Variants in KIFC3 observed in about 807,000 individuals in gnomAD.
The protein encoded by KIFC3 is kinesin-like protein KIFC3.
A neutral mutation model predicts 101.8 loss-of-function variants in KIFC3; 60 were observed. The ratio of observed to expected loss-of-function variants is 0.59; its 90% confidence interval spans 0.48 to 0.73. The LOEUF (loss-of-function observed/expected upper bound fraction) is 0.73. KIFC3 is among the 30% of genes least tolerant of loss of function. The probability of loss-of-function intolerance (pLI) is 0.00; values close to 1 mark genes in which losing one functional copy is unlikely to be tolerated. For missense variants in KIFC3, 966 were observed against 1,137.1 expected (o/e 0.85, Z 2.16); for synonymous variants, 476 against 482.7 (o/e 0.99, Z 0.18).
intron 1 of KIFC3, among the ~76,000 whole-genome samples, chr16:57,860,047 TAAAATAAAATAAAATAAA>T (rs1448662202): frequency 1.2e-3 from 165 of 136,438 alleles, no homozygotes; most frequent in African/African-American, 4.1e-3. Context: ...TAAAATAAAA[TAAAATAAAATAAAATAAA>T]ATAAAATAAA....
intron 1 of KIFC3, among the ~76,000 whole-genome samples, chr16:57,828,418 G>T (rs1555631162): frequency 6.6e-6 from 1 of 152,220 alleles, no homozygotes; most frequent in Non-Finnish European, 1.5e-5. Flanking sequence ...TGCAGATGTG[G>T]CCATGAGGAA....
At chr16:57,825,357 G>A (rs1555630620) in intron 1 of KIFC3, among the ~76,000 whole-genome samples, 1 of 152,196 alleles carries the variant, frequency 6.6e-6, no homozygotes, top group Admixed American at 6.5e-5. Flanking sequence ...GGGAAAATGG[G>A]GTTTGCACAT....
At chr16:57,779,818 AAAATAAAT>A (rs1195136746) in intron 3 of KIFC3, 1 of 152,176 alleles carries the variant, frequency 6.6e-6, no homozygotes, top group East Asian at 1.9e-4. Flanking sequence ...TCAAAAAATA[AAAATAAAT>A]AAATAAATAA....
intron 1 of KIFC3, among the ~76,000 whole-genome samples, chr16:57,833,866 C>CCTTTTTT (rs2055632687): frequency 1.8e-5 from 2 of 111,296 alleles, no homozygotes; most frequent in South Asian, 6.2e-4. Flanking sequence ...AATGCAGTTG[C>CCTTTTTT]TTTTTTTTTT....
rs1128699 is a variant in KIFC3, at chr16:57,765,543, G to A, written c.1428C>T (p.Asp476=). 1.2e-5 allele frequency: 19 copies of A among 1,599,970 alleles called. No individual in the cohort carries two copies. The South Asian group carries it at 2.0e-4, about 17-fold the overall frequency. The change falls in exon 11 of 20, where the codon GAC becomes GAT. Residue 476 remains aspartate (D), a synonymous_variant. Coordinates refer to ENST00000445690, the MANE Select transcript of KIFC3 (RefSeq NM_001130100.2). ...CCTTGTGCAGCAGGTGGATGATGGA[G>A]TCGTCGTCGGCATCGAAAGTCACAG... ...TNAVTFDADD[D]SIIHLLHKGK... is the part of the protein sequence containing the mutation.
intron 2 of KIFC3, 146 bp downstream of exon 2, chr16:57,797,926 G>A (rs906024854): frequency 6.0e-6 from 9 of 1,512,400 alleles, no homozygotes; most frequent in African/African-American, 1.4e-5. Context: ...CCGGCTCCAC[G>A]CCCGCCTGGC....
intron 3 of KIFC3, among the ~76,000 whole-genome samples, chr16:57,790,556 A>T (rs116808731): frequency 6.6e-6 from 1 of 152,164 alleles, no homozygotes; most frequent in African/African-American, 2.4e-5. Flanking sequence ...CCGTGTGTGA[A>T]GCCTGGCTCT....
At chr16:57,825,678 T>C (rs550797048) in intron 1 of KIFC3, among the ~76,000 whole-genome samples, 35 of 152,306 alleles carry the variant, frequency 2.3e-4, no homozygotes, top group Middle Eastern at 3.4e-3. Flanking sequence ...TTTTGTTTGT[T>C]TGTTTTTGTT....
chr16:57,809,355 G>A (rs968485143), intron 1 of KIFC3, among the ~76,000 whole-genome samples: 1 of 152,134 alleles, frequency 6.6e-6, no homozygotes, highest in Non-Finnish European at 1.5e-5. Flanking sequence ...GAGTGAGGTG[G>A]CATGATCAGA....
At position 57,775,667 on chromosome 16, in the gene KIFC3, A is replaced by C. The variant is rs1045217083; in HGVS notation, c.316-3379T>G. 7 of 985,472 alleles carry C rather than the reference A, an allele frequency of 7.1e-6. No individual in the cohort carries two copies. The African/African-American group carries it at 1.2e-4, about 17-fold the overall frequency. 61.0% of individuals were successfully genotyped at this position (985,472 alleles called of 1,614,324 possible). On this transcript the variant is annotated intron_variant, in intron 3 of 19. Transcript: ENST00000445690. ...CCAGCAAGGGCCGTCCATGTCTCTA[A>C]GCCCAACAGGGGAGGGTCCCGAGTG...
intron 3 of KIFC3, among the ~76,000 whole-genome samples, chr16:57,790,706 T>C (rs1165972584): frequency 1.3e-5 from 2 of 152,278 alleles, no homozygotes; most frequent in East Asian, 3.9e-4. Context: ...TGCAGCCAAG[T>C]CCCCAGAAGG....
At chr16:57,764,874 G>A (rs1349146274) in intron 11 of KIFC3, among the ~76,000 whole-genome samples, 1 of 149,292 alleles carries the variant, frequency 6.7e-6, no homozygotes. Context: ...AAGTGGGTGA[G>A]GCCACATGGT....
intron 1 of KIFC3, among the ~76,000 whole-genome samples, chr16:57,856,329 A>G (rs12445099): frequency 0.2 from 30,376 of 151,882 alleles, 3,642 homozygotes; most frequent in African/African-American, 0.33. Flanking sequence ...AAAAAATACA[A>G]AAATTAGCTG....
intron 1 of KIFC3, among the ~76,000 whole-genome samples, chr16:57,860,022 A>T (rs1200493406): frequency 1.2e-5 from 1 of 86,852 alleles, no homozygotes. Context: ...ACTCTGTCTC[A>T]AAAATAAAAT....
chr16:57,770,015 C>T, intron 7 of KIFC3, 60 bp from the exon 8 acceptor site: 1 of 1,561,968 alleles, frequency 6.4e-7, no homozygotes, highest in East Asian at 2.2e-5. Flanking sequence ...GGGCAGGTGC[C>T]ACACCGAGAA....
At chr16:57,788,489 A>G in intron 3 of KIFC3, 1 of 1,161,298 alleles carries the variant, frequency 8.6e-7, no homozygotes, top group Non-Finnish European at 1.1e-6. Context: ...AGGACAGGGC[A>G]TGGGGATATC....
intron 2 of KIFC3, among the ~76,000 whole-genome samples, chr16:57,797,130 G>A (rs570402880): frequency 6.6e-6 from 1 of 152,380 alleles, no homozygotes; most frequent in East Asian, 1.9e-4. Flanking sequence ...TGTGGTGGGA[G>A]AGAGGGGTGA....
chr16:57,792,186 A>G (rs1555620598), intron 3 of KIFC3, among the ~76,000 whole-genome samples: 6 of 151,976 alleles, frequency 3.9e-5, no homozygotes, highest in Non-Finnish European at 1.5e-5. Context: ...AACATGGGGG[A>G]GTGGTGGGCC....
At chr16:57,776,784 A>T (rs2052151411) in intron 3 of KIFC3, 1 of 151,744 alleles carries the variant, frequency 6.6e-6, no homozygotes, top group Admixed American at 6.6e-5. Context: ...GTGGGGCTGG[A>T]GCGTGCTAAA....
Sources: allele counts gnomAD v4.1 joint callset (sites outside exome capture counted in the v4.1 genomes callset), GRCh38; gene constraint gnomAD v4.1.1; transcripts MANE v1.5; gene names NCBI Gene and HGNC (gene_info 2026-07-23, HGNC 2026-07-21).